SYNE1: variants seen among roughly 807,000 people sequenced by gnomAD.
The protein encoded by SYNE1 is spectrin repeat containing nuclear envelope protein 1.
In SYNE1, 616 loss-of-function variants were observed where a neutral mutation model predicts 1,111.0. The observed-to-expected ratio is 0.55, with a 90% CI of 0.52 to 0.59. SYNE1 has a LOEUF of 0.59. Ranked by LOEUF, SYNE1 falls within the 20% of genes least tolerant of loss-of-function variation. The pLI is 0.00. For synonymous variants in SYNE1, 3,855 were observed against 3,825.8 expected (o/e 1.01, Z -0.28); for missense variants, 10,006 against 10,417.0 (o/e 0.96, Z 1.72).
rs765427429 is a variant in SYNE1, at chr6:152,189,265, T to C, written c.23288A>G (p.Glu7763Gly). The C allele has an allele frequency of 7.4e-6, 12 of 1,613,778 alleles. No individual in the cohort carries two copies. Among genetic ancestry groups the C allele is most frequent in the South Asian group, 1.1e-5 (1 of 91,080 alleles). ...AACTTATCTTACCTGGTGGCATAGT[T>C]CTTCCCACTGCCTTTGCAGAAGCTC... ...RVELLQRQWEELCHQLSLRRQ... is the reference protein window; with the variant it reads ...RVELLQRQWEGLCHQLSLRRQ... The change falls in exon 128 of 146, where the codon GAA becomes GGA. Residue 7763 changes from glutamate to glycine, a missense_variant. Glu to Gly is a moderately conservative substitution (Grantham distance 98). Transcript: ENST00000367255.
intron 131 of SYNE1, among the ~76,000 whole-genome samples, chr6:152,163,740 T>A (rs1239597492): frequency 3.9e-5 from 6 of 152,054 alleles, no homozygotes; most frequent in Non-Finnish European, 8.8e-5. Context: ...TGCCTTGTAA[T>A]CTTTCCCCAA....
intron 74 of SYNE1, among the ~76,000 whole-genome samples, chr6:152,342,040 T>A (rs1034650307): frequency 1.3e-5 from 2 of 152,182 alleles, no homozygotes; most frequent in East Asian, 3.9e-4. Flanking sequence ...GTGACTGTAG[T>A]CCAAGTGTCT....
At chr6:152,191,812 C>T (rs992321353) in intron 127 of SYNE1, among the ~76,000 whole-genome samples, 1 of 151,972 alleles carries the variant, frequency 6.6e-6, no homozygotes, top group Non-Finnish European at 1.5e-5. Flanking sequence ...TCTTGCTTTT[C>T]TAATTCTTTA....
At chr6:152,138,557 A>T (rs867273738) in intron 140 of SYNE1, among the ~76,000 whole-genome samples, 1 of 146,826 alleles carries the variant, frequency 6.8e-6, no homozygotes, top group South Asian at 2.2e-4. Flanking sequence ...ATAAATAAAT[A>T]AAATAAAACA....
chr6:152,466,411 A>G (rs750366255), intron 16 of SYNE1, among the ~76,000 whole-genome samples: 1 of 152,196 alleles, frequency 6.6e-6, no homozygotes, highest in Non-Finnish European at 1.5e-5. Flanking sequence ...AGAACATTTT[A>G]AAGTGTCCCA....
intron 78 of SYNE1, 100 bp from the exon 79 acceptor site, chr6:152,326,733 G>T: frequency 8.9e-7 from 1 of 1,119,778 alleles, no homozygotes; most frequent in Non-Finnish European, 1.3e-6. Context: ...TTAGTCTCAT[G>T]GGCGTATGTG....
intron 3 of SYNE1, among the ~76,000 whole-genome samples, chr6:152,625,000 A>G (rs1219720659): frequency 6.6e-6 from 1 of 152,238 alleles, no homozygotes; most frequent in Non-Finnish European, 1.5e-5. Flanking sequence ...AAATGGGGAA[A>G]AAAAACCTCA....
At chr6:152,342,710 G>T (rs957034761) in intron 74 of SYNE1, among the ~76,000 whole-genome samples, 30 of 151,950 alleles carry the variant, frequency 2.0e-4, no homozygotes, top group Non-Finnish European at 1.0e-4. Context: ...ATTTTCCCAC[G>T]GAGTCAACAC....
chr6:152,602,948 GA>G (rs991197383), intron 3 of SYNE1, among the ~76,000 whole-genome samples: 23 of 151,964 alleles, frequency 1.5e-4, no homozygotes, highest in Admixed American at 2.6e-4. Context: ...GCATTTCAAG[GA>G]AAGACAAACA....
chr6:152,364,733 G>GGAGGGAGGA, intron 63 of SYNE1, 114 bp downstream of exon 63: 1 of 1,252,632 alleles, frequency 8.0e-7, no homozygotes, highest in Non-Finnish European at 1.2e-6. Context: ...AGGAAGGGAG[G>GGAGGGAGGA]AAGGAAAGGA....
chr6:152,473,199 T>A (rs1037275388), intron 14 of SYNE1, among the ~76,000 whole-genome samples: 20 of 152,210 alleles, frequency 1.3e-4, no homozygotes, highest in African/African-American at 4.6e-4. Flanking sequence ...GAAAGGAGAT[T>A]CATGCCTTAA....
intron 4 of SYNE1, among the ~76,000 whole-genome samples, chr6:152,531,474 A>G (rs889851633): frequency 5.3e-5 from 8 of 152,190 alleles, no homozygotes; most frequent in Admixed American, 2.0e-4. Context: ...TTTTGAATGT[A>G]GTTTAACTTT....
chr6:152,125,125 G>C, intron 145 of SYNE1: 1 of 927,190 alleles, frequency 1.1e-6, no homozygotes, highest in Admixed American at 3.0e-5. Flanking sequence ...ACTTGCTTCA[G>C]ATTCTACAGT....
At chr6:152,484,098 G>T (rs2098926451) in intron 13 of SYNE1, among the ~76,000 whole-genome samples, 1 of 150,424 alleles carries the variant, frequency 6.6e-6, no homozygotes, top group African/African-American at 2.4e-5. Context: ...TGTGGTCCCA[G>T]CTACTTGGGA....
chr6:152,350,670 T>G lies in SYNE1; in HGVS notation c.11681A>C (p.Asp3894Ala). The G allele has an allele frequency of 6.2e-7, 1 of 1,614,168 alleles. No individual in the cohort carries two copies. The highest frequency in any genetic ancestry group is 8.5e-7 in the Non-Finnish European group (1 of 1,180,024). Reference sequence around the variant, plus strand: ...ATCACTTTGAAGTTGATCTATTTTGTCCTTTAAAGTGACGTCCTGCACCAG... The same window carrying G: ...ATCACTTTGAAGTTGATCTATTTTGGCCTTTAAAGTGACGTCCTGCACCAG... ...LELVQDVTLKDKIDQLQSDYQ... is the reference protein window; with the variant it reads ...LELVQDVTLKAKIDQLQSDYQ... The change falls in exon 71 of 146, where the codon GAC becomes GCC. Residue 3894 changes from aspartate (D) to alanine (A), a missense_variant. Transcript: ENST00000367255.
Position 152,563,876 on chromosome 6 carries a change from A to G in SYNE1, c.68-23855T>C, listed in dbSNP as rs553578735. On this transcript the variant is annotated intron_variant, in intron 3 of 145. Coordinates refer to ENST00000367255, the MANE Select transcript of SYNE1 (RefSeq NM_182961.4). ...TCCCAAATATCTAATATTGCAAAAC[A>G]CTCATTACAAATTATAATTGCCATA... 2.4e-3 allele frequency among the ~76,000 whole-genome samples: 372 copies of G among 152,292 alleles called. 3 individuals carry two copies. Among genetic ancestry groups the G allele is most frequent in the African/African-American group, 8.7e-3 (362 of 41,560 alleles).
At chr6:152,618,154 T>C (rs2099665954) in intron 3 of SYNE1, among the ~76,000 whole-genome samples, 1 of 152,186 alleles carries the variant, frequency 6.6e-6, no homozygotes, top group Non-Finnish European at 1.5e-5. Context: ...CGTTTCTGGA[T>C]GTATTGTAAG....
At position 152,427,825 on chromosome 6, in the gene SYNE1, A is replaced by G. The variant is rs1159127569; in HGVS notation, c.4977-9T>C. The G allele has an allele frequency of 6.2e-7, 1 of 1,613,994 alleles. No homozygotes were observed. Among genetic ancestry groups the G allele is most frequent in the Non-Finnish European group, 8.5e-7 (1 of 1,180,012 alleles). On this transcript the variant is annotated splice_polypyrimidine_tract_variant and intron_variant, in intron 37 of 145. Coordinates refer to ENST00000367255, the MANE Select transcript of SYNE1 (RefSeq NM_182961.4). ...ATAGTTCTTTCTCTAGCCTAAAGGAAGCAGAGAGCAGAAACAAATTTATTG... is the reference window on the plus strand; with the variant it reads ...ATAGTTCTTTCTCTAGCCTAAAGGAGGCAGAGAGCAGAAACAAATTTATTG...
intron 87 of SYNE1, among the ~76,000 whole-genome samples, chr6:152,312,767 A>G (rs1350910978): frequency 6.6e-6 from 1 of 152,042 alleles, no homozygotes; most frequent in African/African-American, 2.4e-5. Flanking sequence ...TTAAGAGTTA[A>G]CTGCTGATAC....
Sources: allele counts gnomAD v4.1 joint callset (sites outside exome capture counted in the v4.1 genomes callset), GRCh38; gene constraint gnomAD v4.1.1; transcripts MANE v1.5; gene names NCBI Gene and HGNC (gene_info 2026-07-23, HGNC 2026-07-21).